The following FHIT variants were observed in gnomAD, a reference collection of about 807,000 sequenced individuals.
FHIT encodes bis(5'-adenosyl)-triphosphatase.
Under a neutral mutation model 17.9 loss-of-function variants are expected in FHIT, and 19 were observed. That is an observed-to-expected ratio of 1.06 (90% CI 0.74 to 1.56). FHIT has a LOEUF of 1.56. Ranked by LOEUF, FHIT falls within the 40% of genes most tolerant of loss-of-function variation. The pLI, the probability that FHIT is intolerant of heterozygous loss-of-function variation, is 0.00. For missense variants in FHIT, 248 were observed against 189.2 expected, an observed-to-expected ratio of 1.31 and a Z score of -1.82; for synonymous variants, 81 against 69.7, an observed-to-expected ratio of 1.16 and a Z score of -0.81.
chr3:59,859,840 C>A (rs1432318694), intron 8 of FHIT, among the ~76,000 whole-genome samples: 3 of 152,158 alleles, frequency 2.0e-5, no homozygotes, highest in African/African-American at 7.2e-5. Flanking sequence ...AATGTCATCA[C>A]TGAGACAGTT....
At chr3:60,087,668 G>C (rs963548319) in intron 5 of FHIT, among the ~76,000 whole-genome samples, 2 of 152,206 alleles carry the variant, frequency 1.3e-5, no homozygotes, top group African/African-American at 4.8e-5. Context: ...ACACGATGCA[G>C]CCAAGTTATT....
intron 2 of FHIT, among the ~76,000 whole-genome samples, chr3:61,107,586 T>C (rs551251161): frequency 1.3e-4 from 20 of 152,342 alleles, no homozygotes; most frequent in African/African-American, 3.4e-4. Flanking sequence ...TCACCAACAG[T>C]GTACATGGGT....
At chr3:61,050,706 A>G (rs972292130) in intron 2 of FHIT, among the ~76,000 whole-genome samples, 2 of 152,250 alleles carry the variant, frequency 1.3e-5, no homozygotes, top group African/African-American at 4.8e-5. Flanking sequence ...GATAATTATT[A>G]AAGCTGGATG....
intron 3 of FHIT, among the ~76,000 whole-genome samples, chr3:60,952,933 C>T (rs1553777652): frequency 6.6e-6 from 1 of 152,174 alleles, no homozygotes; most frequent in African/African-American, 2.4e-5. Context: ...TGAGGTATCT[C>T]ATGTCACATA....
chr3:60,780,713 T>C (rs79739339), intron 4 of FHIT, among the ~76,000 whole-genome samples: 9 of 152,098 alleles, frequency 5.9e-5, no homozygotes, highest in Non-Finnish European at 1.2e-4. Flanking sequence ...TTATCCTTAA[T>C]CTAAACGGCA....
intron 3 of FHIT, among the ~76,000 whole-genome samples, chr3:60,964,206 C>G (rs148879320): frequency 0.048 from 7,226 of 151,330 alleles, 402 homozygotes; most frequent in East Asian, 0.24. Flanking sequence ...TGTCTCTTTT[C>G]ATCTTTGTTG....
intron 5 of FHIT, among the ~76,000 whole-genome samples, chr3:60,384,612 A>C (rs1700934782): frequency 6.6e-6 from 1 of 152,180 alleles, no homozygotes; most frequent in African/African-American, 2.4e-5. Context: ...GGACATAAAC[A>C]AAACGTGCAA....
At chr3:61,198,269 G>A (rs1389837068) in intron 2 of FHIT, among the ~76,000 whole-genome samples, 2 of 152,132 alleles carry the variant, frequency 1.3e-5, no homozygotes, top group Non-Finnish European at 2.9e-5. Flanking sequence ...AGCCAAGACA[G>A]ACATGGAGGC....
chr3:60,874,180 G>C (rs782389426), intron 3 of FHIT, among the ~76,000 whole-genome samples: 1 of 152,068 alleles, frequency 6.6e-6, no homozygotes, highest in Non-Finnish European at 1.5e-5. Flanking sequence ...ACATTGTAGG[G>C]CTGTCGTTAG....
intron 8 of FHIT, among the ~76,000 whole-genome samples, chr3:59,759,202 AC>A (rs1032316282): frequency 2.0e-5 from 3 of 151,868 alleles, no homozygotes; most frequent in African/African-American, 7.3e-5. Context: ...GAGAGAGAGG[AC>A]TTGGGGGGAT....
At chr3:60,106,250 G>A (rs936989765) in intron 5 of FHIT, among the ~76,000 whole-genome samples, 1 of 152,168 alleles carries the variant, frequency 6.6e-6, no homozygotes, top group African/African-American at 2.4e-5. Flanking sequence ...ATTTGGATAT[G>A]CCAAGGAAAA....
chr3:61,078,498 G>T (rs983854062), intron 2 of FHIT, among the ~76,000 whole-genome samples: 1 of 152,070 alleles, frequency 6.6e-6, no homozygotes, highest in Non-Finnish European at 1.5e-5. Context: ...GCACCCGATA[G>T]TCATTATTTC....
At chr3:60,683,089 T>C (rs1553697327) in intron 4 of FHIT, among the ~76,000 whole-genome samples, 5 of 152,176 alleles carry the variant, frequency 3.3e-5, no homozygotes, top group Non-Finnish European at 7.3e-5. Context: ...CTTGAATGAG[T>C]GAGGAGTTGC....
chr3:60,037,047 T>G (rs1395968391), intron 5 of FHIT, among the ~76,000 whole-genome samples: 1 of 152,176 alleles, frequency 6.6e-6, no homozygotes, highest in African/African-American at 2.4e-5. Flanking sequence ...CTTGGACAGT[T>G]CTGGGGAACA....
At chr3:59,752,367 A>G in intron 8 of FHIT, 46 bp from the exon 9 acceptor site, 1 of 1,502,168 alleles carries the variant, frequency 6.7e-7, no homozygotes, top group Non-Finnish European at 9.1e-7. Context: ...GGCCCTTGGG[A>G]TCTCCTTGAA....
intron 8 of FHIT, among the ~76,000 whole-genome samples, chr3:59,795,255 G>C (rs1033856084): frequency 6.6e-6 from 1 of 152,000 alleles, no homozygotes; most frequent in African/African-American, 2.4e-5. Flanking sequence ...CCATTGGTGG[G>C]TGCCTGTAGT....
intron 5 of FHIT, among the ~76,000 whole-genome samples, chr3:60,077,696 A>ACC (rs1559611310): frequency 5.2e-5 from 5 of 96,000 alleles, no homozygotes; most frequent in Admixed American, 2.8e-4. Context: ...TCACACACAC[A>ACC]CACACACACA....
At chr3:59,957,910 T>C (rs1265248654) in intron 7 of FHIT, among the ~76,000 whole-genome samples, 2 of 152,216 alleles carry the variant, frequency 1.3e-5, no homozygotes, top group Non-Finnish European at 2.9e-5. Context: ...AAACTAGAAA[T>C]GAGAATATTA....
At chr3:60,473,834 A>G (rs904802169) in intron 5 of FHIT, among the ~76,000 whole-genome samples, 20 of 151,960 alleles carry the variant, frequency 1.3e-4, no homozygotes, top group African/African-American at 4.6e-4. Flanking sequence ...GAGGCAGGAG[A>G]ATTACTTGAA....
Sources: gnomAD v4.1 joint callset for allele counts (sites outside exome capture counted in the v4.1 genomes callset) on GRCh38, gnomAD v4.1.1 for gene constraint, MANE v1.5 for transcripts, NCBI Gene and HGNC (gene_info 2026-07-23, HGNC 2026-07-21) for gene names.